The following ERLEC1 variants were observed in gnomAD, a reference collection of about 807,000 sequenced individuals.
The protein encoded by ERLEC1 is ER lectin.
ERLEC1 carries 47 observed loss-of-function variants against 68.0 expected under a neutral mutation model. The observed-to-expected ratio is 0.69, with a 90% CI of 0.55 to 0.88. The LOEUF (loss-of-function observed/expected upper bound fraction) is 0.88. Ranked by LOEUF, ERLEC1 falls within the 40% of genes least tolerant of loss-of-function variation. ERLEC1 has a pLI of 0.00. For synonymous variants in ERLEC1, 225 were observed against 203.2 expected, an observed-to-expected ratio of 1.11 and a Z score of -0.91; for missense variants, 567 against 583.8, an observed-to-expected ratio of 0.97 and a Z score of 0.30.
intron 1 of ERLEC1, among the ~76,000 whole-genome samples, chr2:53,790,881 T>A (rs903327412): frequency 2.0e-5 from 3 of 152,274 alleles, no homozygotes; most frequent in Non-Finnish European, 4.4e-5. Context: ...AATATTTTCC[T>A]TCTGAAGTAT....
chr2:53,791,882 C>T (rs959634838), intron 1 of ERLEC1, among the ~76,000 whole-genome samples: 1 of 145,108 alleles, frequency 6.9e-6, no homozygotes, highest in African/African-American at 2.6e-5. Flanking sequence ...CTCTTTGATT[C>T]CCTCATCATC....
chr2:53,794,869 G>A (rs1203564768), intron 2 of ERLEC1, among the ~76,000 whole-genome samples: 9 of 151,928 alleles, frequency 5.9e-5, no homozygotes, highest in Non-Finnish European at 2.9e-5. Flanking sequence ...TGGCCAGGAT[G>A]GTCTCGATTT....
intron 5 of ERLEC1, 52 bp downstream of exon 5, chr2:53,797,847 A>G: frequency 1.4e-6 from 2 of 1,435,952 alleles, no homozygotes; most frequent in South Asian, 1.2e-5. Flanking sequence ...GGTTTAAAAT[A>G]TATGTTCAAA....
chr2:53,796,088 C>T (rs555590216), intron 3 of ERLEC1, 75 bp downstream of exon 3: 21 of 1,030,320 alleles, frequency 2.0e-5, no homozygotes, highest in South Asian at 1.5e-4. Flanking sequence ...AATACCGTTT[C>T]TTCTTTATTA....
chr2:53,787,724 C>A (rs750126841), intron 1 of ERLEC1: 129 of 215,216 alleles, frequency 6.0e-4, no homozygotes, highest in Middle Eastern at 3.1e-3. Context: ...GTGGCTCTTA[C>A]TTCACCAGCA....
chr2:53,797,258 G>A (rs1385078571), intron 3 of ERLEC1, among the ~76,000 whole-genome samples: 1 of 152,170 alleles, frequency 6.6e-6, no homozygotes, highest in African/African-American at 2.4e-5. Context: ...GTAGAAAATT[G>A]TCCCTAAGCC....
intron 8 of ERLEC1, among the ~76,000 whole-genome samples, chr2:53,806,357 T>C (rs1160073438): frequency 1.3e-5 from 2 of 152,216 alleles, no homozygotes; most frequent in South Asian, 2.1e-4. Context: ...CTTCCCCTTA[T>C]CTCAGCTGCA....
At chr2:53,799,003 A>G (rs1573078098) in intron 5 of ERLEC1, 44 bp from the exon 6 acceptor site, 1 of 1,590,906 alleles carries the variant, frequency 6.3e-7, no homozygotes, top group Non-Finnish European at 8.6e-7. Flanking sequence ...TTTGTACCAC[A>G]TATGTCACTG....
chr2:53,794,792 T>C (rs1227189246), intron 2 of ERLEC1, among the ~76,000 whole-genome samples: 1 of 152,058 alleles, frequency 6.6e-6, no homozygotes, highest in Non-Finnish European at 1.5e-5. Context: ...GTAGCTGGGA[T>C]TACAGGCACA....
intron 13 of ERLEC1, among the ~76,000 whole-genome samples, chr2:53,817,128 T>G (rs1256616007): frequency 2.2e-5 from 3 of 135,020 alleles, no homozygotes; most frequent in African/African-American, 8.5e-5. Flanking sequence ...TTGTTGTTTT[T>G]TATTTACTTA....
In ERLEC1 at chr2:53,801,404, C is replaced by G; in HGVS notation, c.533C>G (p.Thr178Ser). 1 of 1,612,662 alleles carries G rather than the reference C, an allele frequency of 6.2e-7. No homozygotes were observed. Residue 178 changes from threonine to serine, a missense_variant, in exon 7 of 14, where the codon ACT (threonine) becomes AGT (serine). Thr to Ser is a moderately conservative substitution (Grantham distance 58). Transcript: ENST00000185150. ...ATACTCTTTTTTTTTAAGATTCCCA[C>G]TAAAAATATCGAAGGTCAGATGACA... The part of the protein sequence containing the change: ...EEKEKSNEIP[T>S]KNIEGQMTPY...
intron 8 of ERLEC1, among the ~76,000 whole-genome samples, chr2:53,804,277 G>T (rs1262861250): frequency 6.6e-6 from 1 of 152,074 alleles, no homozygotes; most frequent in African/African-American, 2.4e-5. Flanking sequence ...TTTTGAGACA[G>T]AGTTTCACTC....
chr2:53,793,375 T>C (rs559959308), intron 1 of ERLEC1, among the ~76,000 whole-genome samples: 2 of 152,350 alleles, frequency 1.3e-5, no homozygotes, highest in Admixed American at 6.5e-5. Flanking sequence ...GTCAGCAAAC[T>C]ACAGCCATTG....
chr2:53,814,684 GT>G (rs1573108351), intron 12 of ERLEC1, 64 bp downstream of exon 12: 1 of 1,210,366 alleles, frequency 8.3e-7, no homozygotes, highest in East Asian at 2.4e-5. Context: ...ATGGACAAAA[GT>G]TTTATGTAAA....
At chr2:53,789,922 G>C (rs961309881) in intron 1 of ERLEC1, among the ~76,000 whole-genome samples, 2 of 151,624 alleles carry the variant, frequency 1.3e-5, no homozygotes, top group East Asian at 3.9e-4. Context: ...GGGAGGCTGA[G>C]GCAGGAGAAT....
chr2:53,815,061 C>T (rs1360639981), intron 13 of ERLEC1, 126 bp downstream of exon 13: 14 of 578,358 alleles, frequency 2.4e-5, no homozygotes, highest in Admixed American at 2.0e-4. Flanking sequence ...GGCAGAGTGC[C>T]GTGGCATAAT....
chr2:53,817,662 G>GT (rs2104349308), intron 13 of ERLEC1, among the ~76,000 whole-genome samples: 1 of 151,884 alleles, frequency 6.6e-6, no homozygotes, highest in African/African-American at 2.4e-5. Context: ...CCTGTCCTTT[G>GT]TTCCTTTTCC....
At chr2:53,803,991 C>G (rs938504591) in intron 8 of ERLEC1, among the ~76,000 whole-genome samples, 10 of 152,090 alleles carry the variant, frequency 6.6e-5, no homozygotes, top group African/African-American at 2.4e-4. Flanking sequence ...ATTAGCCAGG[C>G]ACGGTGATAC....
At chr2:53,800,769 C>G (rs1311185402) in intron 6 of ERLEC1, among the ~76,000 whole-genome samples, 3 of 151,930 alleles carry the variant, frequency 2.0e-5, no homozygotes, top group African/African-American at 7.2e-5. Context: ...TCCTTCATTC[C>G]ATGAAAAATT....
Sources: gnomAD v4.1 joint callset for allele counts (sites outside exome capture counted in the v4.1 genomes callset) on GRCh38, gnomAD v4.1.1 for gene constraint, MANE v1.5 for transcripts, NCBI Gene and HGNC (gene_info 2026-07-23, HGNC 2026-07-21) for gene names.